DPYS: variants seen among roughly 807,000 people sequenced by gnomAD.
DPYS encodes dihydropyrimidine amidohydrolase.
In DPYS, 39 loss-of-function variants were observed where a neutral mutation model predicts 50.3. The observed-to-expected ratio is 0.78, with a 90% CI of 0.60 to 1.01. DPYS has a LOEUF of 1.01. Ranked by LOEUF, DPYS falls within the 50% of genes least tolerant of loss-of-function variation. The pLI, the probability that DPYS is intolerant of heterozygous loss-of-function variation, is 0.00. For synonymous variants in DPYS, 245 were observed against 250.7 expected, an observed-to-expected ratio of 0.98 and a Z score of 0.22; for missense variants, 659 against 680.9, an observed-to-expected ratio of 0.97 and a Z score of 0.36.
At chr8:104,413,232 C>T (rs2140579305) in intron 7 of DPYS, among the ~76,000 whole-genome samples, 2 of 152,082 alleles carry the variant, frequency 1.3e-5, no homozygotes, top group Admixed American at 1.3e-4. Flanking sequence ...CACATTTCAA[C>T]ATAGATAAAT....
At chr8:104,382,012 A>C (rs1811068710) in intron 8 of DPYS, among the ~76,000 whole-genome samples, 1 of 152,198 alleles carries the variant, frequency 6.6e-6, no homozygotes, top group African/African-American at 2.4e-5. Flanking sequence ...TTTGCCATTT[A>C]CTACGCATAG....
intron 4 of DPYS, among the ~76,000 whole-genome samples, chr8:104,441,311 TC>T (rs1223726277): frequency 2.0e-5 from 3 of 152,260 alleles, no homozygotes; most frequent in Admixed American, 2.0e-4. Flanking sequence ...GAACCAGCAA[TC>T]CCACTTCTAG....
intron 7 of DPYS, among the ~76,000 whole-genome samples, chr8:104,398,582 A>G (rs1170026426): frequency 6.6e-6 from 1 of 152,240 alleles, no homozygotes; most frequent in Non-Finnish European, 1.5e-5. Flanking sequence ...CTTGCAATGT[A>G]TCTATGGAAC....
intron 8 of DPYS, among the ~76,000 whole-genome samples, chr8:104,387,900 C>A (rs1046588668): frequency 6.6e-6 from 1 of 152,166 alleles, no homozygotes; most frequent in African/African-American, 2.4e-5. Context: ...AAGCACCTGC[C>A]TATTTCTGTG....
chr8:104,463,938 T>A lies in DPYS; in HGVS notation c.264+2719A>T, dbSNP rs193250930. The stretch of plus-strand genomic sequence containing the variant: ...ATATTTCCCCATCTGGTTCACTTTA[T>A]GAAGCCTCAGCTGTTTCGGGGGGTG... On this transcript the variant is annotated intron_variant, in intron 1 of 9. Transcript: ENST00000351513. Among the ~76,000 whole-genome samples, 35 of 152,350 alleles carry A rather than the reference T, an allele frequency of 2.3e-4. No individual in the cohort carries two copies. The East Asian group carries it at 6.4e-3, about 28-fold the overall frequency.
chr8:104,432,862 G>A (rs938547492), intron 4 of DPYS, among the ~76,000 whole-genome samples: 1 of 152,182 alleles, frequency 6.6e-6, no homozygotes, highest in Non-Finnish European at 1.5e-5. Flanking sequence ...GACATTTCAT[G>A]TTATGGGCTG....
intron 1 of DPYS, among the ~76,000 whole-genome samples, chr8:104,461,605 G>A (rs969719781): frequency 1.3e-5 from 2 of 152,184 alleles, no homozygotes; most frequent in Non-Finnish European, 2.9e-5. Context: ...TGGAGAAGAT[G>A]AGAGCTGAAC....
chr8:104,408,409 A>C (rs1812066924), intron 7 of DPYS, among the ~76,000 whole-genome samples: 1 of 152,232 alleles, frequency 6.6e-6, no homozygotes, highest in Non-Finnish European at 1.5e-5. Flanking sequence ...CATAAGAAAA[A>C]AACCTCAATG....
rs753937752 is a variant in DPYS at position 104,451,050 on chromosome 8, T to A, written c.423+196A>T. Among the ~76,000 whole-genome samples, 226 of 152,244 alleles carry A rather than the reference T, an allele frequency of 1.5e-3. 1 individual carries two copies. Among genetic ancestry groups the A allele is most frequent in the Non-Finnish European group, 2.9e-3 (197 of 68,046 alleles). ...TCCTATTGTCTTTATATGATTTTTT[T>A]AATTTAGTTTTTAAAATTGGTAATA... On this transcript the variant is annotated intron_variant, in intron 2 of 9. Coordinates refer to ENST00000351513, the MANE Select transcript of DPYS (RefSeq NM_001385.3).
intron 4 of DPYS, among the ~76,000 whole-genome samples, chr8:104,436,655 A>G (rs1813159961): frequency 6.6e-6 from 1 of 152,072 alleles, no homozygotes; most frequent in Non-Finnish European, 1.5e-5. Flanking sequence ...AGAGTAACCC[A>G]GGAAACAGAA....
rs369664779 is a variant in DPYS at position 104,382,640 on chromosome 8, G to A, written c.1444-1326C>T. On this transcript the variant is annotated intron_variant, in intron 8 of 9. Coordinates refer to ENST00000351513, the MANE Select transcript of DPYS (RefSeq NM_001385.3). ...ACTGTACAATTTATCATCCAAAGTA[G>A]GACACTTCTTAGCATGAAAAGGGCA... is the stretch of plus-strand genomic sequence containing the variant. Among the ~76,000 whole-genome samples, 238 of 150,300 alleles carry A rather than the reference G, an allele frequency of 1.6e-3. 4 individuals are homozygous for A. In the South Asian group the frequency reaches 0.019, roughly 12 times the overall value.
intron 1 of DPYS, among the ~76,000 whole-genome samples, chr8:104,459,385 C>T (rs1814041353): frequency 6.6e-6 from 1 of 152,194 alleles, no homozygotes; most frequent in South Asian, 2.1e-4. Context: ...ATTAGAGACC[C>T]ATATACCTCT....
chr8:104,440,218 C>T (rs559730417), intron 4 of DPYS, among the ~76,000 whole-genome samples: 1 of 152,222 alleles, frequency 6.6e-6, no homozygotes, highest in South Asian at 2.1e-4. Context: ...ATAGAGCTGG[C>T]AATTGAACAA....
At chr8:104,464,913 A>C (rs1814305597) in intron 1 of DPYS, among the ~76,000 whole-genome samples, 1 of 152,236 alleles carries the variant, frequency 6.6e-6, no homozygotes, top group African/African-American at 2.4e-5. Flanking sequence ...AGCAAAAGGG[A>C]AAAATGAATA....
chr8:104,454,847 C>T (rs1193969843), intron 1 of DPYS, among the ~76,000 whole-genome samples: 1 of 151,962 alleles, frequency 6.6e-6, no homozygotes, highest in Non-Finnish European at 1.5e-5. Context: ...AGGATTAGGA[C>T]CTACACGTGG....
intron 1 of DPYS, among the ~76,000 whole-genome samples, chr8:104,459,979 C>A (rs1460838582): frequency 6.6e-6 from 1 of 152,066 alleles, no homozygotes; most frequent in Non-Finnish European, 1.5e-5. Flanking sequence ...TGGTGTATAA[C>A]CCCCCAAATC....
intron 7 of DPYS, among the ~76,000 whole-genome samples, chr8:104,403,103 C>T (rs755165443): frequency 3.2e-4 from 48 of 152,210 alleles, no homozygotes; most frequent in African/African-American, 4.1e-4. Flanking sequence ...TCTTCTGGTC[C>T]GTGTTTGTTG....
Position 104,466,950 on chromosome 8 carries a change from C to G in DPYS, c.-30G>C. On this transcript the variant is annotated 5_prime_UTR_variant, in exon 1 of 10. Transcript: ENST00000351513. ...AGGGGCGCGCGGGGTCCTACTCGGC[C>G]CGGGCTGCGCGCAGGGGCTGGGTTG... 7.1e-7 allele frequency: 1 copy of G among 1,401,088 alleles called. No homozygotes were observed. The highest frequency in any genetic ancestry group is 9.2e-7 in the Non-Finnish European group (1 of 1,082,162). The allele number at this position is 1,401,088 out of a possible 1,614,324, so 86.8% of individuals were successfully genotyped here. A position where few individuals can be genotyped will look rare whatever the true frequency, so the allele number is the denominator to read the frequency against.
chr8:104,420,221 T>C (rs548953573), intron 7 of DPYS: 1 of 152,274 alleles, frequency 6.6e-6, no homozygotes, highest in East Asian at 1.9e-4. Context: ...GGATGATTCA[T>C]GGACAGTTAG....
Sources: allele counts gnomAD v4.1 joint callset (sites outside exome capture counted in the v4.1 genomes callset), GRCh38; gene constraint gnomAD v4.1.1; transcripts MANE v1.5; gene names NCBI Gene and HGNC (gene_info 2026-07-23, HGNC 2026-07-21).